The following BRWD3 variants were observed in gnomAD, a reference collection of about 807,000 sequenced individuals.
BRWD3 encodes the protein bromodomain and WD repeat-containing protein 3.
BRWD3 carries 10 observed loss-of-function variants against 149.7 expected under a neutral mutation model. The ratio of observed to expected loss-of-function variants is 0.07; its 90% CI spans 0.04 to 0.11. BRWD3 has a LOEUF of 0.11. Among genes scored for constraint, BRWD3 ranks in the 10% least tolerant of loss-of-function variants. The pLI is 1.00. For missense variants in BRWD3, 940 were observed against 1,373.2 expected, an observed-to-expected ratio of 0.68 and a Z score of 4.99; for synonymous variants, 504 against 456.7, an observed-to-expected ratio of 1.10 and a Z score of -1.32.
chrX:80,717,702 T>G lies in BRWD3; in HGVS notation c.2102A>C (p.His701Pro). 2 of 1,211,410 alleles carry G rather than the reference T, an allele frequency of 1.7e-6. No individual in the cohort carries two copies. Among genetic ancestry groups the G allele is most frequent in the Non-Finnish European group, 2.2e-6 (2 of 895,187 alleles). ...TCTAACACCTTCAATTTGACTACTATGTCTTCGAAGCCTGATGTTTGGGGA... is the reference window on the plus strand; with the variant it reads ...TCTAACACCTTCAATTTGACTACTAGGTCTTCGAAGCCTGATGTTTGGGGA... ...SSSPNIRLRR[H>P]SSQIEGVRQM... is the part of the protein sequence containing the mutation. Residue 701 changes from histidine (H) to proline (P), a missense_variant, in exon 19 of 41, where the codon CAT becomes CCT. His to Pro is a moderately conservative substitution (Grantham distance 77). Coordinates refer to ENST00000373275, the MANE Select transcript of BRWD3 (RefSeq NM_153252.5).
At chrX:80,735,888 C>T (rs2073396933) in intron 9 of BRWD3, 100 bp downstream of exon 9, 1 of 505,573 alleles carries the variant, frequency 2.0e-6, no homozygotes, top group African/African-American at 2.4e-5. Context: ...TACACATACA[C>T]ATATGTAAAT....
At chrX:80,689,374 G>C (rs1393515484) in intron 33 of BRWD3, among the ~76,000 whole-genome samples, 2 of 111,417 alleles carry the variant, frequency 1.8e-5, no homozygotes, top group Non-Finnish European at 3.8e-5. Flanking sequence ...CAAAAATTTA[G>C]ACTTTCAAGC....
intron 10 of BRWD3, 136 bp downstream of exon 10, chrX:80,734,991 T>C: frequency 1.9e-6 from 1 of 535,731 alleles, no homozygotes; most frequent in Non-Finnish European, 3.2e-6. Flanking sequence ...AGAGTTTATC[T>C]ATCATAACAC....
At chrX:80,775,456 A>G (rs564033806) in intron 6 of BRWD3, among the ~76,000 whole-genome samples, 176 of 112,037 alleles carry the variant, frequency 1.6e-3, no homozygotes, top group Middle Eastern at 9.2e-3. Flanking sequence ...AATTCCTATC[A>G]TATTATCTCA....
chrX:80,717,405 A>T, intron 19 of BRWD3, 168 bp downstream of exon 19: 1 of 479,578 alleles, frequency 2.1e-6, no homozygotes, highest in Non-Finnish European at 3.5e-6. Flanking sequence ...GCTGAAGATG[A>T]TCATTATTTG....
intron 19 of BRWD3, chrX:80,717,261 C>T: frequency 8.1e-6 from 2 of 248,409 alleles, no homozygotes; most frequent in Non-Finnish European, 1.4e-5. Context: ...CCATATATCA[C>T]TCACATATTT....
chrX:80,721,448 C>T (rs2073148863), intron 17 of BRWD3, among the ~76,000 whole-genome samples: 1 of 110,828 alleles, frequency 9.0e-6, no homozygotes, highest in Non-Finnish European at 1.9e-5. Flanking sequence ...TGAGCAAGAA[C>T]ATAAAAGGAC....
chrX:80,740,435 G>A (rs1018760642), intron 8 of BRWD3, among the ~76,000 whole-genome samples: 7 of 112,129 alleles, frequency 6.2e-5, no homozygotes, highest in African/African-American at 1.9e-4. Flanking sequence ...AGAAGCCAAC[G>A]TATTCCACAT....
Position 80,717,657 on chromosome X carries a change from G to A in BRWD3, c.2147C>T (p.Pro716Leu), listed in dbSNP as rs2147745456. The change falls in exon 19 of 41, where the codon CCT becomes CTT. Residue 716 changes from proline to leucine, a missense_variant. Around this residue, in one of 6 missense-constraint regions of BRWD3, gnomAD observed 103 missense variants for 103.2 expected, o/e 1.00. Transcript: ENST00000373275. Reference protein sequence around the residue: ...EGVRQMHNNAPRSQMATERDL... With the variant: ...EGVRQMHNNALRSQMATERDL... ...TCTTTCAGTGGCCATCTGGCTCCGAGGAGCATTGTTATGCATTTGTCTAAC... is the reference window on the plus strand; with the variant it reads ...TCTTTCAGTGGCCATCTGGCTCCGAAGAGCATTGTTATGCATTTGTCTAAC... 1 of 1,211,118 alleles carries A rather than the reference G, an allele frequency of 8.3e-7. No homozygotes were observed. Among genetic ancestry groups the A allele is most frequent in the East Asian group, 3.0e-5 (1 of 33,809 alleles).
At chrX:80,743,107 C>T (rs945046965) in intron 8 of BRWD3, among the ~76,000 whole-genome samples, 11 of 111,447 alleles carry the variant, frequency 9.9e-5, no homozygotes, top group Admixed American at 9.6e-5. Flanking sequence ...TAGCATGAAG[C>T]GTTGTTGAAT....
rs1165390472 is a variant in BRWD3, at chrX:80,728,874, T to C, written c.1264A>G (p.Thr422Ala). The change falls in exon 14 of 41, where the codon ACT (threonine) becomes GCT (alanine). Residue 422 changes from threonine to alanine, a missense_variant. Thr to Ala is a moderately conservative substitution (Grantham distance 58). Coordinates refer to ENST00000373275, the MANE Select transcript of BRWD3 (RefSeq NM_153252.5). ...GCCACCATAGTCACCTTAAGTTTAGTGATCTTGTCTTCTCCAGATGGCAAA... is the reference window on the plus strand; with the variant it reads ...GCCACCATAGTCACCTTAAGTTTAGCGATCTTGTCTTCTCCAGATGGCAAA... Reference protein sequence around the residue: ...NNLPSGEDKITKLKVTMVAWD... With the variant: ...NNLPSGEDKIAKLKVTMVAWD... 3.3e-6 allele frequency: 4 copies of C among 1,209,827 alleles called. No homozygotes were observed. The Admixed American group carries it at 6.5e-5, about 20-fold the overall frequency.
In BRWD3 at chrX:80,676,225, T is replaced by C; in HGVS notation, c.*384A>G. The C allele has an allele frequency of 5.3e-6, 1 of 190,363 alleles. No homozygotes were observed. Among genetic ancestry groups the C allele is most frequent in the African/African-American group, 2.9e-5 (1 of 34,236 alleles). 15.7% of individuals were successfully genotyped at this position (190,363 alleles called of 1,213,427 possible). ...GTAAGAAGGTGCTATACTTCTGTGA[T>C]ACAAAAGCAAAAGAGGGCTATTCTA... is the stretch of plus-strand genomic sequence containing the variant. On this transcript the variant is annotated 3_prime_UTR_variant, in exon 41 of 41. Coordinates refer to ENST00000373275, the MANE Select transcript of BRWD3 (RefSeq NM_153252.5).
intron 22 of BRWD3, 96 bp downstream of exon 22, chrX:80,707,331 C>G: frequency 1.2e-6 from 1 of 833,561 alleles, no homozygotes; most frequent in Non-Finnish European, 1.8e-6. Context: ...CTATAAAACA[C>G]TATTTTAATT....
chrX:80,781,304 G>A (rs7051637), intron 6 of BRWD3, among the ~76,000 whole-genome samples: 5,499 of 111,074 alleles, frequency 0.05, 119 homozygotes, highest in Non-Finnish European at 0.07. Flanking sequence ...GCTCTCAGGC[G>A]ATAGATGAGT....
chrX:80,698,287 T>C (rs760431961), intron 25 of BRWD3, among the ~76,000 whole-genome samples: 1 of 112,247 alleles, frequency 8.9e-6, no homozygotes, highest in African/African-American at 3.2e-5. Flanking sequence ...TATAGGGTCC[T>C]GCTTAAAGTT....
intron 8 of BRWD3, 101 bp downstream of exon 8, chrX:80,743,931 C>T: frequency 2.9e-6 from 2 of 701,707 alleles, no homozygotes; most frequent in Admixed American, 3.4e-5. Flanking sequence ...GCATTTTTCT[C>T]TTGTTATTCT....
intron 4 of BRWD3, among the ~76,000 whole-genome samples, chrX:80,808,314 C>G (rs2074370279): frequency 9.2e-6 from 1 of 109,169 alleles, no homozygotes; most frequent in Admixed American, 9.9e-5. Context: ...CTCTGATAAT[C>G]AACTCACATT....
chrX:80,756,502 CAAAAAAAAAAAAAA>C (rs974549325), intron 6 of BRWD3, among the ~76,000 whole-genome samples: 3 of 41,323 alleles, frequency 7.3e-5, no homozygotes, highest in Non-Finnish European at 1.2e-4. Context: ...AACTCTGTCT[CAAAAAAAAAAAAAA>C]AAAAAAAAAG....
chrX:80,705,067 A>G (rs1199675548), intron 22 of BRWD3, among the ~76,000 whole-genome samples: 1 of 111,311 alleles, frequency 9.0e-6, no homozygotes, highest in Non-Finnish European at 1.9e-5. Flanking sequence ...GGAATTCGAG[A>G]CCAGCCTGGC....
Sources: allele counts gnomAD v4.1 joint callset (sites outside exome capture counted in the v4.1 genomes callset), GRCh38; gene constraint gnomAD v4.1.1; regional missense constraint gnomAD v4.1.1; transcripts MANE v1.5; gene names NCBI Gene and HGNC (gene_info 2026-07-23, HGNC 2026-07-21).